The following RABGAP1L variants were observed in gnomAD, a reference collection of about 807,000 sequenced individuals.
RABGAP1L encodes RAB GTPase activating protein 1 like.
Under a neutral mutation model 137.7 loss-of-function variants are expected in RABGAP1L, and 63 were observed. The observed-to-expected ratio is 0.46, with a 90% confidence interval of 0.37 to 0.56. RABGAP1L has a LOEUF of 0.56. Ranked by LOEUF, RABGAP1L falls within the 20% of genes least tolerant of loss-of-function variation. RABGAP1L has a pLI of 0.00. For missense variants in RABGAP1L, 1,095 were observed against 1,244.0 expected (o/e 0.88, Z 1.80); for synonymous variants, 431 against 433.7 (o/e 0.99, Z 0.08).
chr1:174,972,981 A>G (rs1007973138), intron 21 of RABGAP1L, among the ~76,000 whole-genome samples: 1 of 152,182 alleles, frequency 6.6e-6, no homozygotes, highest in African/African-American at 2.4e-5. Flanking sequence ...ATTCATTAAC[A>G]TTAAAATTAA....
intron 11 of RABGAP1L, among the ~76,000 whole-genome samples, chr1:174,318,582 TTCTTTCTTTC>T (rs1679625697): frequency 1.0e-5 from 1 of 96,046 alleles, no homozygotes; most frequent in African/African-American, 4.7e-5. Context: ...GGTGATTGTT[TTCTTTCTTTC>T]TTTCTTTCTT....
At chr1:174,160,373 G>A (rs1319207629) in intron 1 of RABGAP1L, among the ~76,000 whole-genome samples, 3 of 152,208 alleles carry the variant, frequency 2.0e-5, no homozygotes, top group Non-Finnish European at 4.4e-5. Context: ...ACGGTACAGG[G>A]CTGGGCAGTG....
chr1:174,978,912 T>C (rs1670865439), intron 23 of RABGAP1L, 22 bp downstream of exon 23: 2 of 1,481,872 alleles, frequency 1.3e-6, no homozygotes, highest in Non-Finnish European at 8.9e-7. Context: ...CTGTGGCACA[T>C]AGAGCTAGTT....
intron 11 of RABGAP1L, among the ~76,000 whole-genome samples, chr1:174,307,371 A>G (rs956489096): frequency 6.6e-6 from 1 of 152,192 alleles, no homozygotes; most frequent in Non-Finnish European, 1.5e-5. Flanking sequence ...TACATTCACA[A>G]TTTTGGGCAA....
chr1:174,691,826 C>CT lies in RABGAP1L; in HGVS notation c.1900-7690dup, dbSNP rs200548220. ...AATAAGTTAAATAGTCATTTTAGTG[C>CT]TTTTTTTTTAAGTAGGTAGGTACCA... is the stretch of plus-strand genomic sequence containing the variant. On this transcript the variant is annotated intron_variant, in intron 15 of 25. Coordinates refer to ENST00000681986, the MANE Select transcript of RABGAP1L (RefSeq NM_001366446.1). Among the ~76,000 whole-genome samples the CT allele has an allele frequency of 2.8e-3, 422 of 150,856 alleles. 4 individuals carry two copies. The highest frequency in any genetic ancestry group is 9.6e-3 in the African/African-American group (394 of 41,150).
intron 17 of RABGAP1L, among the ~76,000 whole-genome samples, chr1:174,743,878 A>G (rs1227724072): frequency 1.3e-5 from 2 of 151,908 alleles, no homozygotes; most frequent in African/African-American, 4.8e-5. Context: ...CTCATTCACT[A>G]GTCATTTATG....
intron 19 of RABGAP1L, among the ~76,000 whole-genome samples, chr1:174,934,794 C>CAT (rs1573898543): frequency 1.3e-5 from 2 of 151,546 alleles, no homozygotes; most frequent in South Asian, 4.2e-4. Context: ...CTATCTCATT[C>CAT]ATATATGTGT....
intron 19 of RABGAP1L, among the ~76,000 whole-genome samples, chr1:174,894,446 C>CA (rs1656792302): frequency 6.6e-6 from 1 of 152,148 alleles, no homozygotes; most frequent in Admixed American, 6.5e-5. Context: ...CTTTAGCACT[C>CA]AAGATTGTTA....
chr1:174,405,538 A>G (rs895149943), intron 13 of RABGAP1L, among the ~76,000 whole-genome samples: 4 of 152,232 alleles, frequency 2.6e-5, no homozygotes, highest in African/African-American at 9.6e-5. Context: ...TAAATACAAA[A>G]TTTACAAAGA....
At chr1:174,468,576 G>C (rs1042883492) in intron 13 of RABGAP1L, among the ~76,000 whole-genome samples, 1 of 152,134 alleles carries the variant, frequency 6.6e-6, no homozygotes, top group Non-Finnish European at 1.5e-5. Context: ...AGCGTGGGCA[G>C]ATATTTTTGT....
intron 23 of RABGAP1L, among the ~76,000 whole-genome samples, chr1:174,980,916 T>G (rs1249552925): frequency 1.3e-5 from 2 of 151,806 alleles, no homozygotes; most frequent in Non-Finnish European, 2.9e-5. Flanking sequence ...TTTGTTTTTT[T>G]TTTTTGCTAG....
chr1:174,470,736 C>T (rs1233867651), intron 13 of RABGAP1L, among the ~76,000 whole-genome samples: 1 of 151,950 alleles, frequency 6.6e-6, no homozygotes, highest in Non-Finnish European at 1.5e-5. Context: ...CATTGCACTC[C>T]AGCCTGGGTG....
chr1:174,880,064 C>A (rs1240967137), intron 19 of RABGAP1L, among the ~76,000 whole-genome samples: 21 of 127,962 alleles, frequency 1.6e-4, no homozygotes, highest in Admixed American at 2.4e-4. Context: ...GACTCTGTCT[C>A]AAAAAAAAAA....
At chr1:174,417,833 C>A (rs1217905037) in intron 13 of RABGAP1L, among the ~76,000 whole-genome samples, 1 of 152,080 alleles carries the variant, frequency 6.6e-6, no homozygotes, top group Non-Finnish European at 1.5e-5. Flanking sequence ...AGTTACCCAG[C>A]CCAAGTCAAA....
chr1:174,793,176 G>A (rs940074830), intron 18 of RABGAP1L, among the ~76,000 whole-genome samples: 3 of 151,772 alleles, frequency 2.0e-5, no homozygotes, highest in Non-Finnish European at 2.9e-5. Flanking sequence ...AAACCAAGTA[G>A]AAACAAAATG....
chr1:174,711,879 G>C (rs1680553902), intron 17 of RABGAP1L, among the ~76,000 whole-genome samples: 3 of 152,248 alleles, frequency 2.0e-5, no homozygotes, highest in African/African-American at 7.2e-5. Context: ...AGTCGGGTGG[G>C]AACTTGGAGA....
chr1:174,255,117 T>C lies in RABGAP1L; in HGVS notation c.986+2527T>C, dbSNP rs1673012375. Reference sequence around the variant, plus strand: ...TGATGAGCTTTTTTTCATATGTTTGTTGGCCGCATAAATGTCTTCTTTTGA... The same window carrying C: ...TGATGAGCTTTTTTTCATATGTTTGCTGGCCGCATAAATGTCTTCTTTTGA... On this transcript the variant is annotated intron_variant, in intron 7 of 25. Transcript: ENST00000681986. Among the ~76,000 whole-genome samples, 3 of 152,324 alleles carry C rather than the reference T, an allele frequency of 2.0e-5. No homozygotes were observed. In the South Asian group the frequency reaches 6.2e-4, roughly 32 times the overall value.
intron 15 of RABGAP1L, among the ~76,000 whole-genome samples, chr1:174,698,983 T>TTTTTA (rs1273794698): frequency 5.3e-5 from 8 of 151,276 alleles, no homozygotes; most frequent in Non-Finnish European, 7.4e-5. Flanking sequence ...TTTTACATTG[T>TTTTTA]TTTTATTTTA....
At chr1:174,877,639 T>A (rs202101834) in intron 19 of RABGAP1L, 1 of 1,593,618 alleles carries the variant, frequency 6.3e-7, no homozygotes, top group Non-Finnish European at 8.6e-7. Context: ...TCTGGTTCTG[T>A]ATTTTCTTTT....
Sources: gnomAD v4.1 joint callset for allele counts (sites outside exome capture counted in the v4.1 genomes callset) on GRCh38, gnomAD v4.1.1 for gene constraint, MANE v1.5 for transcripts, NCBI Gene and HGNC (gene_info 2026-07-23, HGNC 2026-07-21) for gene names.